Variants in GPC5 observed in about 807,000 individuals in gnomAD.
GPC5 encodes glypican-5.
A neutral mutation model predicts 53.9 loss-of-function variants in GPC5; 47 were observed. The observed-to-expected ratio is 0.87, with a 90% CI of 0.69 to 1.11. The LOEUF is 1.11. Ranked by LOEUF, GPC5 falls within the 50% of genes most tolerant of loss-of-function variation. The pLI is 0.00. For missense variants in GPC5, 748 were observed against 713.1 expected (o/e 1.05, Z -0.56); for synonymous variants, 286 against 263.3 (o/e 1.09, Z -0.84).
chr13:92,650,052 A>G (rs963144459), intron 7 of GPC5, among the ~76,000 whole-genome samples: 12 of 152,124 alleles, frequency 7.9e-5, no homozygotes, highest in Admixed American at 3.9e-4. Flanking sequence ...GTTGTTTCTC[A>G]TCATAAGTTC....
At chr13:92,546,959 A>G (rs1882139559) in intron 7 of GPC5, among the ~76,000 whole-genome samples, 1 of 152,208 alleles carries the variant, frequency 6.6e-6, no homozygotes, top group Admixed American at 6.5e-5. Context: ...AAAACTGGCT[A>G]GCCATATGTA....
chr13:92,585,674 A>G (rs1883514357), intron 7 of GPC5, among the ~76,000 whole-genome samples: 1 of 152,114 alleles, frequency 6.6e-6, no homozygotes, highest in African/African-American at 2.4e-5. Context: ...ACAGAATAAT[A>G]TGGTTTGGCT....
At chr13:91,533,548 A>T (rs1004846254) in intron 2 of GPC5, among the ~76,000 whole-genome samples, 1 of 152,194 alleles carries the variant, frequency 6.6e-6, no homozygotes, top group African/African-American at 2.4e-5. Flanking sequence ...GGCGGGGAAG[A>T]TAGATAATGA....
intron 7 of GPC5, among the ~76,000 whole-genome samples, chr13:92,809,623 A>T (rs1011280600): frequency 1.3e-5 from 2 of 152,134 alleles, no homozygotes; most frequent in Admixed American, 1.3e-4. Flanking sequence ...AAAATTTGTA[A>T]TTGTTTTCTT....
At chr13:92,612,322 T>C (rs190080260) in intron 7 of GPC5, among the ~76,000 whole-genome samples, 32 of 152,222 alleles carry the variant, frequency 2.1e-4, no homozygotes, top group African/African-American at 7.7e-4. Context: ...AAATATTGAG[T>C]TTCAGTCATT....
At chr13:91,824,779 C>A (rs1015028756) in intron 5 of GPC5, among the ~76,000 whole-genome samples, 3 of 151,868 alleles carry the variant, frequency 2.0e-5, no homozygotes, top group Non-Finnish European at 2.9e-5. Flanking sequence ...GGGAGAATTT[C>A]TTTTCCAAGA....
At chr13:91,884,704 A>G (rs1786805881) in intron 5 of GPC5, among the ~76,000 whole-genome samples, 1 of 152,244 alleles carries the variant, frequency 6.6e-6, no homozygotes, top group African/African-American at 2.4e-5. Context: ...AGGCCTTTGC[A>G]ATAATCACAA....
chr13:91,826,830 T>C (rs867730949), intron 5 of GPC5, among the ~76,000 whole-genome samples: 7 of 152,194 alleles, frequency 4.6e-5, no homozygotes, highest in South Asian at 2.1e-4. Flanking sequence ...TGTGTGTGTA[T>C]GTATGTGCAT....
intron 3 of GPC5, among the ~76,000 whole-genome samples, chr13:91,727,713 C>A (rs933819931): frequency 4.6e-5 from 7 of 151,998 alleles, no homozygotes; most frequent in African/African-American, 1.7e-4. Context: ...TTTTTAAGGT[C>A]TCAATATAAA....
intron 7 of GPC5, among the ~76,000 whole-genome samples, chr13:92,392,470 T>C (rs765745829): frequency 2.0e-5 from 3 of 151,676 alleles, no homozygotes; most frequent in Non-Finnish European, 2.9e-5. Flanking sequence ...ACCTAAGCAA[T>C]ACCATCCTGG....
chr13:91,862,478 A>G (rs1391276589), intron 5 of GPC5, among the ~76,000 whole-genome samples: 2 of 152,202 alleles, frequency 1.3e-5, no homozygotes, highest in African/African-American at 4.8e-5. Context: ...GCATGTTGCT[A>G]AACATCCTGC....
At position 92,388,093 on chromosome 13, in the gene GPC5, T is replaced by C. The variant is rs1244738133; in HGVS notation, c.1561+243104T>C. On this transcript the variant is annotated intron_variant, in intron 7 of 7. Transcript: ENST00000377067. ...TTTCCTCTTAAAGTATATCCTTTTC[T>C]TAAGTTAGAATTTAAATTATAGCTT... Among the ~76,000 whole-genome samples, 5 of 152,048 alleles carry C rather than the reference T, an allele frequency of 3.3e-5. No individual in the cohort carries two copies. In the East Asian group the frequency reaches 9.6e-4, roughly 29 times the overall value.
At chr13:92,441,128 G>C (rs1266361521) in intron 7 of GPC5, among the ~76,000 whole-genome samples, 3 of 152,160 alleles carry the variant, frequency 2.0e-5, no homozygotes, top group Non-Finnish European at 4.4e-5. Context: ...CTGGGGTGCA[G>C]TGGCACGATC....
intron 2 of GPC5, among the ~76,000 whole-genome samples, chr13:91,654,200 T>G (rs1237682819): frequency 6.6e-6 from 1 of 152,186 alleles, no homozygotes; most frequent in Non-Finnish European, 1.5e-5. Flanking sequence ...CAGTGAGAAT[T>G]AATATAAACT....
chr13:91,901,950 C>T (rs533363213), intron 5 of GPC5, among the ~76,000 whole-genome samples: 166 of 151,982 alleles, frequency 1.1e-3, no homozygotes, highest in African/African-American at 3.2e-3. Flanking sequence ...TTTTAACCCC[C>T]GATAGAAATA....
chr13:92,298,700 A>G (rs2043055119), intron 7 of GPC5, among the ~76,000 whole-genome samples: 1 of 152,000 alleles, frequency 6.6e-6, no homozygotes, highest in Non-Finnish European at 1.5e-5. Context: ...TGCAGGAGCA[A>G]TCTGCTTCCT....
At chr13:91,691,225 A>C (rs1234360371) in intron 2 of GPC5, among the ~76,000 whole-genome samples, 1 of 152,202 alleles carries the variant, frequency 6.6e-6, no homozygotes, top group Non-Finnish European at 1.5e-5. Context: ...AATATTTTAC[A>C]CGTATTTGCA....
At chr13:91,422,026 A>G (rs1036306536) in intron 1 of GPC5, among the ~76,000 whole-genome samples, 5 of 152,136 alleles carry the variant, frequency 3.3e-5, no homozygotes, top group Admixed American at 3.3e-4. Context: ...AACGTCCAGC[A>G]CCTTTCTGAT....
At chr13:91,699,265 A>T (rs1463131257) in intron 3 of GPC5, among the ~76,000 whole-genome samples, 1 of 152,160 alleles carries the variant, frequency 6.6e-6, no homozygotes, top group Non-Finnish European at 1.5e-5. Flanking sequence ...TTTCTGAAAT[A>T]AAAATGTTTT....
Sources: allele counts gnomAD v4.1 joint callset (sites outside exome capture counted in the v4.1 genomes callset), GRCh38; gene constraint gnomAD v4.1.1; transcripts MANE v1.5; gene names NCBI Gene and HGNC (gene_info 2026-07-23, HGNC 2026-07-21).